The following PHACTR1 variants were observed in gnomAD, a reference collection of about 807,000 sequenced individuals.
The protein encoded by PHACTR1 is phosphatase and actin regulator 1, also known as RPEL repeat containing 1.
Under a neutral mutation model 69.2 loss-of-function variants are expected in PHACTR1, and 16 were observed. The observed-to-expected ratio is 0.23, with a 90% CI of 0.16 to 0.35. The LOEUF (loss-of-function observed/expected upper bound fraction) is 0.35. PHACTR1 is among the 10% of genes least tolerant of loss of function. PHACTR1 has a pLI of 1.00. For synonymous variants in PHACTR1, 312 were observed against 284.5 expected, an observed-to-expected ratio of 1.10 and a Z score of -0.97; for missense variants, 510 against 734.7, an observed-to-expected ratio of 0.69 and a Z score of 3.54.
chr6:13,010,182 C>CAATG (rs1433713686), intron 4 of PHACTR1, among the ~76,000 whole-genome samples: 1 of 152,142 alleles, frequency 6.6e-6, no homozygotes, highest in Non-Finnish European at 1.5e-5. Flanking sequence ...GGCAGGAGTG[C>CAATG]AATGGCGTGA....
In PHACTR1 at chr6:13,206,032, G is replaced by A. The variant is rs766899555; in HGVS notation, c.882G>A (p.Gln294=). 2 of 1,613,800 alleles carry A rather than the reference G, an allele frequency of 1.2e-6. No homozygotes were observed. Among genetic ancestry groups the A allele is most frequent in the Non-Finnish European group, 1.7e-6 (2 of 1,179,880 alleles). ...AGCTGCAGTACGGCAGCCACGGCCA[G>A]CACCTCCCCTCCACCACCGGCTCCC... is the stretch of plus-strand genomic sequence containing the variant. ...QHQLQYGSHG[Q]HLPSTTGSLP... The change falls in exon 8 of 15, where the codon CAG becomes CAA. Residue 294 remains glutamine (Q), a synonymous_variant. Transcript: ENST00000332995.
intron 4 of PHACTR1, among the ~76,000 whole-genome samples, chr6:13,046,468 G>A (rs371183274): frequency 3.9e-5 from 6 of 152,302 alleles, no homozygotes; most frequent in African/African-American, 1.4e-4. Flanking sequence ...GTGGTGCACA[G>A]AGGCGCAGAA....
chr6:13,189,467 C>A (rs141158883), intron 7 of PHACTR1, among the ~76,000 whole-genome samples: 4 of 150,622 alleles, frequency 2.7e-5, no homozygotes, highest in Non-Finnish European at 5.9e-5. Context: ...AGCACAATCA[C>A]GGCTCACTGC....
chr6:13,168,812 T>A (rs995787402), intron 6 of PHACTR1, among the ~76,000 whole-genome samples: 3 of 151,788 alleles, frequency 2.0e-5, no homozygotes, highest in African/African-American at 7.3e-5. Context: ...AGAGAAGGGG[T>A]AAGAGTGCCC....
intron 3 of PHACTR1, among the ~76,000 whole-genome samples, chr6:12,728,029 G>A (rs1378475408): frequency 6.6e-6 from 1 of 152,084 alleles, no homozygotes; most frequent in African/African-American, 2.4e-5. Context: ...AAAAATGAGA[G>A]GGCCAGGCAC....
At chr6:12,848,110 A>G (rs1779467661) in intron 4 of PHACTR1, among the ~76,000 whole-genome samples, 1 of 152,204 alleles carries the variant, frequency 6.6e-6, no homozygotes, top group Non-Finnish European at 1.5e-5. Flanking sequence ...ATTATCCTTG[A>G]TGCCATGCAC....
At chr6:13,234,931 G>A (rs1490791178) in intron 10 of PHACTR1, among the ~76,000 whole-genome samples, 1 of 152,148 alleles carries the variant, frequency 6.6e-6, no homozygotes, top group Admixed American at 6.5e-5. Context: ...GGGGTGCCAG[G>A]CAAAAATTGT....
At chr6:13,055,821 A>T (rs1215705775) in intron 5 of PHACTR1, among the ~76,000 whole-genome samples, 1 of 152,218 alleles carries the variant, frequency 6.6e-6, no homozygotes, top group African/African-American at 2.4e-5. Context: ...TGAATTATTA[A>T]ACGTCTTCAA....
At chr6:13,120,773 C>T (rs1561858388) in intron 5 of PHACTR1, among the ~76,000 whole-genome samples, 2 of 152,230 alleles carry the variant, frequency 1.3e-5, no homozygotes, top group South Asian at 2.1e-4. Flanking sequence ...AAGACATCAT[C>T]TGCAAGGACT....
intron 5 of PHACTR1, among the ~76,000 whole-genome samples, chr6:13,111,117 T>C (rs529113460): frequency 1.3e-5 from 2 of 152,284 alleles, no homozygotes; most frequent in East Asian, 3.9e-4. Flanking sequence ...ACATTTTTGT[T>C]ATATCCATAG....
At chr6:12,828,417 T>A (rs547233630) in intron 4 of PHACTR1, among the ~76,000 whole-genome samples, 1 of 152,212 alleles carries the variant, frequency 6.6e-6, no homozygotes, top group East Asian at 1.9e-4. Flanking sequence ...ATTATGTGGA[T>A]GTGTTCTTTT....
At chr6:13,153,093 A>AT (rs1244988702) in intron 5 of PHACTR1, among the ~76,000 whole-genome samples, 1 of 152,228 alleles carries the variant, frequency 6.6e-6, no homozygotes, top group African/African-American at 2.4e-5. Context: ...TGAAAGGCAC[A>AT]TTCAAAGAAT....
rs529081177 is a variant in PHACTR1, at chr6:13,001,980, T to C, written c.251-51385T>C. 1.2e-4 allele frequency among the ~76,000 whole-genome samples: 18 copies of C among 152,352 alleles called. No individual in the cohort carries two copies. In the East Asian group the frequency reaches 3.3e-3, roughly 28 times the overall value. On this transcript the variant is annotated intron_variant, in intron 4 of 14. Transcript: ENST00000332995. Reference sequence around the variant, plus strand: ...AACTGTGAAGATTTTGTTGACTCGTTCATTCCTCCCCGCAATACTTGGTGC... The same window carrying C: ...AACTGTGAAGATTTTGTTGACTCGTCCATTCCTCCCCGCAATACTTGGTGC...
intron 4 of PHACTR1, among the ~76,000 whole-genome samples, chr6:12,792,807 T>A (rs1024379780): frequency 1.3e-5 from 2 of 151,768 alleles, no homozygotes; most frequent in African/African-American, 2.4e-5. Flanking sequence ...TCAAGCTTGA[T>A]GTTTCCCACT....
intron 5 of PHACTR1, among the ~76,000 whole-genome samples, chr6:13,119,808 C>T (rs1014574131): frequency 1.3e-5 from 2 of 152,190 alleles, no homozygotes; most frequent in South Asian, 2.1e-4. Context: ...CATGAGAAGC[C>T]GACGGGTGTT....
At chr6:13,134,343 G>A (rs1488215365) in intron 5 of PHACTR1, among the ~76,000 whole-genome samples, 2 of 152,224 alleles carry the variant, frequency 1.3e-5, no homozygotes, top group African/African-American at 4.8e-5. Flanking sequence ...CGGTTTTGTC[G>A]AGTGGAAGGT....
At chr6:12,885,765 C>A (rs928708684) in intron 4 of PHACTR1, among the ~76,000 whole-genome samples, 9 of 152,114 alleles carry the variant, frequency 5.9e-5, no homozygotes, top group Non-Finnish European at 8.8e-5. Context: ...GGCAGGCACA[C>A]GGAATAAGAT....
chr6:12,755,380 G>T (rs1252521428), intron 4 of PHACTR1, among the ~76,000 whole-genome samples: 1 of 152,164 alleles, frequency 6.6e-6, no homozygotes, highest in Non-Finnish European at 1.5e-5. Flanking sequence ...TAGATTTAAA[G>T]TCTCTGAAGT....
intron 7 of PHACTR1, among the ~76,000 whole-genome samples, chr6:13,188,020 G>C (rs1281020900): frequency 6.6e-6 from 1 of 152,198 alleles, no homozygotes; most frequent in African/African-American, 2.4e-5. Context: ...TTACATATGA[G>C]AGACCGAAGA....
Sources: gnomAD v4.1 joint callset for allele counts (sites outside exome capture counted in the v4.1 genomes callset) on GRCh38, gnomAD v4.1.1 for gene constraint, MANE v1.5 for transcripts, NCBI Gene and HGNC (gene_info 2026-07-23, HGNC 2026-07-21) for gene names.